Variants in HMCN1 observed in about 807,000 individuals in gnomAD.
HMCN1 encodes hemicentin-1.
HMCN1 carries 321 observed loss-of-function variants against 625.9 expected under a neutral mutation model. The ratio of observed to expected loss-of-function variants is 0.51; its 90% CI spans 0.47 to 0.56. The LOEUF is 0.56. HMCN1 is among the 20% of genes least tolerant of loss of function. The pLI is 0.00. For synonymous variants in HMCN1, 2,425 were observed against 2,417.6 expected (o/e 1.00, Z -0.09); for missense variants, 6,588 against 6,887.3 (o/e 0.96, Z 1.54).
At position 185,997,494 on chromosome 1, in the gene HMCN1, C is replaced by G. The variant is rs757109501; in HGVS notation, c.3844C>G (p.Gln1282Glu). ...TACTTTCCAAGAAAGAGTGGCCAAT[C>G]AACGCATTGAATTTCCATGTCCTGC... ...NTTFQERVANQRIEFPCPAKG... is the reference protein window; with the variant it reads ...NTTFQERVANERIEFPCPAKG... The change falls in exon 25 of 107, where the codon CAA becomes GAA. Residue 1282 changes from glutamine to glutamate, a missense_variant. By Grantham distance (29) the Gln-to-Glu change is conservative. Around this residue, in one of 3 missense-constraint regions of HMCN1, gnomAD observed 4,628 missense variants for 4,853.1 expected, o/e 0.95. Coordinates refer to ENST00000271588, the MANE Select transcript of HMCN1 (RefSeq NM_031935.3). The G allele has an allele frequency of 6.2e-6, 10 of 1,611,754 alleles. No homozygotes were observed. In the Admixed American group the frequency reaches 1.0e-4, roughly 16 times the overall value.
In HMCN1 at chr1:186,144,556, G is replaced by A. The variant is rs945154134; in HGVS notation, c.14119G>A (p.Ala4707Thr). 3 of 1,614,072 alleles carry A rather than the reference G, an allele frequency of 1.9e-6. No individual in the cohort carries two copies. Among genetic ancestry groups the A allele is most frequent in the Non-Finnish European group, 2.5e-6 (3 of 1,180,002 alleles). Reference sequence around the variant, plus strand: ...AGTTCATGGCAAGTGGGCGACTTGGGCCAGTTGGAGTGCCTGTTCTGTGTC... The same window carrying A: ...AGTTCATGGCAAGTGGGCGACTTGGACCAGTTGGAGTGCCTGTTCTGTGTC... ...CPIHGKWATWASWSACSVSCG... is the reference protein window; with the variant it reads ...CPIHGKWATWTSWSACSVSCG... Residue 4707 changes from alanine (A) to threonine (T), a missense_variant, in exon 91 of 107, where the codon GCC (alanine) becomes ACC (threonine). Around this residue, in one of 3 missense-constraint regions of HMCN1, gnomAD observed 1,954 missense variants for 2,013.1 expected, o/e 0.97. Transcript: ENST00000271588.
chr1:186,040,505 T>C (rs1656134421), intron 39 of HMCN1, among the ~76,000 whole-genome samples: 1 of 152,114 alleles, frequency 6.6e-6, no homozygotes, highest in Non-Finnish European at 1.5e-5. Flanking sequence ...TTCTTGCAAA[T>C]CTAATGCTTT....
intron 71 of HMCN1, among the ~76,000 whole-genome samples, chr1:186,111,205 TCTC>T (rs1459130810): frequency 6.6e-6 from 1 of 151,638 alleles, no homozygotes; most frequent in Non-Finnish European, 1.5e-5. Context: ...ATGGTCTCGA[TCTC>T]CTGACCTCGT....
chr1:186,065,100 A>G (rs1337359577), intron 48 of HMCN1, 138 bp from the exon 49 acceptor site: 1 of 641,040 alleles, frequency 1.6e-6, no homozygotes, highest in Non-Finnish European at 2.7e-6. Context: ...TTGCATAGTT[A>G]TTTTTAAATG....
intron 11 of HMCN1, among the ~76,000 whole-genome samples, chr1:185,941,618 C>A (rs899565806): frequency 1.3e-5 from 2 of 152,130 alleles, no homozygotes; most frequent in Non-Finnish European, 2.9e-5. Flanking sequence ...TTGGTATTCA[C>A]GTAATTTCTC....
intron 11 of HMCN1, among the ~76,000 whole-genome samples, chr1:185,952,034 C>A (rs1453526805): frequency 1.3e-5 from 2 of 151,704 alleles, no homozygotes. Context: ...GCCTTTAGAC[C>A]TTTTAGGGTC....
Position 185,911,701 on chromosome 1 carries a change from T to G in HMCN1, c.821T>G (p.Leu274Arg). ...LGKLIKKGFG[L>R]HELLNIHNSA... ...AAGCTGATAAAAAAGGGATTTGGCCTGCATGAGCTATTAAATATCCATAAC... is the reference window on the plus strand; with the variant it reads ...AAGCTGATAAAAAAGGGATTTGGCCGGCATGAGCTATTAAATATCCATAAC... Residue 274 changes from leucine to arginine, a missense_variant, in exon 6 of 107, where the codon CTG becomes CGG. Transcript: ENST00000271588. 7 of 1,613,240 alleles carry G rather than the reference T, an allele frequency of 4.3e-6. No individual in the cohort carries two copies. The highest frequency in any genetic ancestry group is 5.9e-6 in the Non-Finnish European group (7 of 1,179,276).
chr1:185,989,688 A>G (rs773928046), intron 21 of HMCN1, 41 bp downstream of exon 21: 6 of 1,599,114 alleles, frequency 3.8e-6, no homozygotes, highest in Admixed American at 3.4e-5. Flanking sequence ...GACATTGTCT[A>G]TCTGTGCCAA....
chr1:185,999,725 A>G (rs1653045735), intron 25 of HMCN1, among the ~76,000 whole-genome samples: 1 of 152,048 alleles, frequency 6.6e-6, no homozygotes, highest in South Asian at 2.1e-4. Flanking sequence ...AGTCCGTAGG[A>G]TTAATATAGT....
chr1:185,915,585 G>GT (rs944128330), intron 6 of HMCN1, among the ~76,000 whole-genome samples: 39 of 152,032 alleles, frequency 2.6e-4, no homozygotes, highest in African/African-American at 9.2e-4. Flanking sequence ...GTACAGAAGG[G>GT]TGTGTACCCA....
At chr1:185,748,757 A>G (rs1236991232) in intron 1 of HMCN1, among the ~76,000 whole-genome samples, 1 of 152,218 alleles carries the variant, frequency 6.6e-6, no homozygotes, top group Non-Finnish European at 1.5e-5. Flanking sequence ...GAGAATAACA[A>G]TCATACTTCC....
intron 102 of HMCN1, among the ~76,000 whole-genome samples, chr1:186,173,640 C>CAAAAAAAAAAAAAAAAAAAAAAAAA (rs762258823): frequency 1.3e-5 from 1 of 74,688 alleles, no homozygotes; most frequent in Non-Finnish European, 2.6e-5. Flanking sequence ...GACTCCATCT[C>CAAAAAAAAAAAAAAAAAAAAAAAAA]AAAAAAAAAA....
intron 1 of HMCN1, among the ~76,000 whole-genome samples, chr1:185,769,922 A>G (rs1381476804): frequency 2.6e-5 from 4 of 152,156 alleles, no homozygotes; most frequent in African/African-American, 9.7e-5. Flanking sequence ...TCTTAAGTCT[A>G]TTCTTGGAAC....
intron 36 of HMCN1, among the ~76,000 whole-genome samples, chr1:186,032,624 G>C (rs1655531643): frequency 6.6e-6 from 1 of 152,018 alleles, no homozygotes; most frequent in Non-Finnish European, 1.5e-5. Context: ...GTTTCCTGAG[G>C]CCTCCCCAGC....
chr1:185,978,921 T>A (rs939402104), intron 16 of HMCN1, among the ~76,000 whole-genome samples: 5 of 152,156 alleles, frequency 3.3e-5, no homozygotes, highest in African/African-American at 9.7e-5. Context: ...CCTCAAATGA[T>A]CCACCCACAT....
chr1:186,083,102 T>C (rs891960237), intron 57 of HMCN1, 141 bp downstream of exon 57: 2 of 416,316 alleles, frequency 4.8e-6, no homozygotes, highest in Non-Finnish European at 8.7e-6. Flanking sequence ...CCCTCTCTTC[T>C]TTCTTTCCAC....
At chr1:185,756,811 A>G (rs1341097576) in intron 1 of HMCN1, among the ~76,000 whole-genome samples, 1 of 151,722 alleles carries the variant, frequency 6.6e-6, no homozygotes, top group Non-Finnish European at 1.5e-5. Context: ...CATTTCTCTT[A>G]GTTTCTGCTA....
chr1:186,022,300 A>G (rs1654774825), intron 35 of HMCN1, among the ~76,000 whole-genome samples: 1 of 151,960 alleles, frequency 6.6e-6, no homozygotes, highest in Non-Finnish European at 1.5e-5. Flanking sequence ...GATTCTGAAA[A>G]GTAATCTCCT....
intron 1 of HMCN1, among the ~76,000 whole-genome samples, chr1:185,829,291 T>TA (rs202006189): frequency 2.5e-4 from 37 of 149,434 alleles, no homozygotes; most frequent in African/African-American, 6.4e-4. Context: ...TTTTTTTTTC[T>TA]AAAAAAAATA....
Sources: allele counts gnomAD v4.1 joint callset (sites outside exome capture counted in the v4.1 genomes callset), GRCh38; gene constraint gnomAD v4.1.1; regional missense constraint gnomAD v4.1.1; transcripts MANE v1.5; gene names NCBI Gene and HGNC (gene_info 2026-07-23, HGNC 2026-07-21).